Variants in COLEC12 observed in about 807,000 individuals in gnomAD.
COLEC12 encodes collectin subfamily member 12, also known as collectin-12.
COLEC12 carries 33 observed loss-of-function variants against 71.1 expected under a neutral mutation model. That is an observed-to-expected ratio of 0.46 (90% CI 0.35 to 0.62). The LOEUF (loss-of-function observed/expected upper bound fraction) is 0.62. COLEC12 is among the 20% of genes least tolerant of loss of function. The probability of loss-of-function intolerance (pLI) is 0.00; values close to 1 mark genes in which losing one functional copy is unlikely to be tolerated. For missense variants in COLEC12, 765 were observed against 916.1 expected (o/e 0.84, Z 2.13); for synonymous variants, 350 against 353.0 (o/e 0.99, Z 0.10).
intron 2 of COLEC12, among the ~76,000 whole-genome samples, chr18:475,996 A>G (rs1917296502): frequency 1.3e-5 from 2 of 152,282 alleles, no homozygotes; most frequent in African/African-American, 4.8e-5. Flanking sequence ...ATCTGCAACT[A>G]TTTTTTGAGG....
intron 2 of COLEC12, among the ~76,000 whole-genome samples, chr18:460,289 C>T (rs924266364): frequency 2.0e-5 from 3 of 152,094 alleles, no homozygotes; most frequent in Admixed American, 6.5e-5. Flanking sequence ...ATTTACTACA[C>T]GCCTAAGGTT....
At position 456,565 on chromosome 18, in the gene COLEC12, G is replaced by C. The variant is rs138540064; in HGVS notation, c.58+24142C>G. On this transcript the variant is annotated intron_variant, in intron 2 of 9. Transcript: ENST00000400256. ...ACGATCTGTTCACCACACTTCACTA[G>C]AGCCTTCCCACACCTCCGCTTAGGA... Among the ~76,000 whole-genome samples the C allele has an allele frequency of 5.5e-3, 838 of 152,288 alleles. 10 individuals are homozygous for C. Among genetic ancestry groups the C allele is most frequent in the African/African-American group, 0.019 (793 of 41,568 alleles).
intron 2 of COLEC12, among the ~76,000 whole-genome samples, chr18:429,645 G>A (rs748577105): frequency 1.3e-5 from 2 of 152,140 alleles, no homozygotes; most frequent in South Asian, 4.1e-4. Flanking sequence ...ACCTCCCAAA[G>A]TTCTGGGATT....
chr18:340,833 G>T (rs1469562265), intron 5 of COLEC12, among the ~76,000 whole-genome samples: 1 of 152,238 alleles, frequency 6.6e-6, no homozygotes, highest in Non-Finnish European at 1.5e-5. Context: ...GAGGTGAAAA[G>T]GAATGTACAG....
chr18:369,236 C>T (rs76025751), intron 2 of COLEC12, among the ~76,000 whole-genome samples: 9,346 of 152,104 alleles, frequency 0.061, 348 homozygotes, highest in Middle Eastern at 0.11. Context: ...AGAGCACATA[C>T]CACTTAATGC....
At position 399,926 on chromosome 18, in the gene COLEC12, G is replaced by T. The variant is rs952730543; in HGVS notation, c.59-42404C>A. Among the ~76,000 whole-genome samples, 2 of 152,152 alleles carry T rather than the reference G, an allele frequency of 1.3e-5. No individual in the cohort carries two copies. The highest frequency in any genetic ancestry group is 2.9e-5 in the Non-Finnish European group (2 of 68,028). ...GTTTTTGGCTTGATCCTCAGACAAC[G>T]CTTGTTAAAGGGTGGTGGGGGCGGG... On this transcript the variant is annotated intron_variant, in intron 2 of 9. Coordinates refer to ENST00000400256, the MANE Select transcript of COLEC12 (RefSeq NM_130386.3). The surrounding 1 kb of genome is among the most constrained non-coding windows in gnomAD (Gnocchi z 4.0).
chr18:468,068 C>T (rs1037616372), intron 2 of COLEC12, among the ~76,000 whole-genome samples: 2 of 152,046 alleles, frequency 1.3e-5, no homozygotes, highest in African/African-American at 4.8e-5. Context: ...TCGAGACCAG[C>T]CTGGCCAATA....
At chr18:477,034 G>C (rs1457092468) in intron 2 of COLEC12, among the ~76,000 whole-genome samples, 1 of 152,130 alleles carries the variant, frequency 6.6e-6, no homozygotes, top group Non-Finnish European at 1.5e-5. Flanking sequence ...CACCTGCCCA[G>C]AACTTTGGGA....
intron 5 of COLEC12, among the ~76,000 whole-genome samples, chr18:344,217 G>A (rs900159676): frequency 6.6e-6 from 1 of 152,124 alleles, no homozygotes; most frequent in Non-Finnish European, 1.5e-5. Context: ...CCCCTCCAGA[G>A]CTGGGGCATC....
intron 3 of COLEC12, among the ~76,000 whole-genome samples, chr18:350,858 GT>G (rs921930825): frequency 6.6e-6 from 1 of 151,572 alleles, no homozygotes; most frequent in Non-Finnish European, 1.5e-5. Flanking sequence ...AACCTGGGAG[GT>G]GGAACCAGGA....
intron 2 of COLEC12, among the ~76,000 whole-genome samples, chr18:464,277 C>T (rs909211173): frequency 1.3e-5 from 2 of 152,194 alleles, no homozygotes; most frequent in Admixed American, 6.5e-5. Flanking sequence ...ATTCTGCAGC[C>T]TCCTCAGCAT....
chr18:433,790 C>G (rs1462080879), intron 2 of COLEC12, among the ~76,000 whole-genome samples: 1 of 151,970 alleles, frequency 6.6e-6, no homozygotes, highest in Non-Finnish European at 1.5e-5. Context: ...ATGGCGAAAC[C>G]CTGTCTCTAC....
At chr18:458,906 T>C (rs1202286904) in intron 2 of COLEC12, among the ~76,000 whole-genome samples, 1 of 152,180 alleles carries the variant, frequency 6.6e-6, no homozygotes, top group Non-Finnish European at 1.5e-5. Context: ...ACGATCATGG[T>C]TCATTGCAGC....
chr18:332,507 G>A (rs1461727894), intron 7 of COLEC12, among the ~76,000 whole-genome samples: 1 of 152,134 alleles, frequency 6.6e-6, no homozygotes, highest in Non-Finnish European at 1.5e-5. Context: ...TATGTTCTAG[G>A]GTTGCTGTGA....
chr18:357,702 CA>C lies in COLEC12; in HGVS notation c.59-181del, dbSNP rs532564539. On this transcript the variant is annotated intron_variant, in intron 2 of 9. Transcript: ENST00000400256. The stretch of plus-strand genomic sequence containing the variant: ...AGCAACATAAGCACTTCAATATTAC[CA>C]TTCTATTGTTATAGCTGTATTTAAT... Among the ~76,000 whole-genome samples, 21 of 152,302 alleles carry C rather than the reference CA, an allele frequency of 1.4e-4. 1 individual carries two copies. The South Asian group carries it at 4.1e-3, about 30-fold the overall frequency.
intron 9 of COLEC12, among the ~76,000 whole-genome samples, chr18:320,344 A>G (rs1213368593): frequency 6.6e-6 from 1 of 152,152 alleles, no homozygotes; most frequent in East Asian, 1.9e-4. Flanking sequence ...GACAAATCTG[A>G]GTTACTTGTC....
rs1468424003 is a variant in COLEC12, at chr18:480,811, A to G, written c.8-54T>C. ...ATCCTGGCAAGGGGCACAGAAGCAG[A>G]GGGTGGGGCAGGATGCGACCTGCTT... On this transcript the variant is annotated intron_variant, in intron 1 of 9. Transcript: ENST00000400256. The surrounding 1 kb of genome is among the most constrained non-coding windows in gnomAD (Gnocchi z 4.1). 6.7e-7 allele frequency: 1 copy of G among 1,487,348 alleles called. No homozygotes were observed. The highest frequency in any genetic ancestry group is 9.4e-7 in the Non-Finnish European group (1 of 1,064,478). 92.1% of individuals were successfully genotyped at this position (1,487,348 alleles called of 1,614,324 possible). A position where few individuals can be genotyped will look rare whatever the true frequency, so the allele number is the denominator to read the frequency against.
At chr18:490,578 T>A (rs1357015250) in intron 1 of COLEC12, among the ~76,000 whole-genome samples, 1 of 152,124 alleles carries the variant, frequency 6.6e-6, no homozygotes, top group Non-Finnish European at 1.5e-5. Context: ...CTAACTTTGA[T>A]AAGAAATAAT....
rs1458832229 is a variant in COLEC12, at chr18:500,214, G to A, written c.7+294C>T. ...GGCAGGTTTTTTCAATTAAAAAGTT[G>A]GAAACGGGAATCCGTAAACAACGAC... On this transcript the variant is annotated intron_variant, in intron 1 of 9. Transcript: ENST00000400256. The surrounding 1 kb of genome is among the most constrained non-coding windows in gnomAD (Gnocchi z 5.3). 6.6e-6 allele frequency among the ~76,000 whole-genome samples: 1 copy of A among 152,192 alleles called. No homozygotes were observed. Among genetic ancestry groups the A allele is most frequent in the Non-Finnish European group, 1.5e-5 (1 of 68,030 alleles).
Sources: gnomAD v4.1 joint callset for allele counts (sites outside exome capture counted in the v4.1 genomes callset) on GRCh38, gnomAD v4.1.1 for gene constraint, Gnocchi (gnomAD v3.1) non-coding constraint, MANE v1.5 for transcripts, NCBI Gene and HGNC (gene_info 2026-07-23, HGNC 2026-07-21) for gene names.